FAT2: variants seen among roughly 807,000 people sequenced by gnomAD.
FAT2 encodes FAT atypical cadherin 2, also known as protocadherin Fat 2.
In FAT2, 150 loss-of-function variants were observed where a neutral mutation model predicts 295.3. That is an observed-to-expected ratio of 0.51 (90% confidence interval 0.44 to 0.58). The LOEUF is 0.58. Among genes scored for constraint, FAT2 ranks in the 20% least tolerant of loss-of-function variants. FAT2 has a pLI of 0.00. For synonymous variants in FAT2, 2,026 were observed against 2,150.3 expected (o/e 0.94, Z 1.60); for missense variants, 4,868 against 5,442.7 (o/e 0.89, Z 3.32).
At position 151,504,574 on chromosome 5, in the gene FAT2, A is replaced by G. The variant is rs1760702821; in HGVS notation, c.*991T>C. 1 of 152,718 alleles carries G rather than the reference A, an allele frequency of 6.5e-6. No individual in the cohort carries two copies. Among genetic ancestry groups the G allele is most frequent in the Non-Finnish European group, 1.5e-5 (1 of 68,058 alleles). 9.5% of individuals were successfully genotyped at this position (152,718 alleles called of 1,614,324 possible). A position where few individuals can be genotyped will look rare whatever the true frequency, so the allele number is the denominator to read the frequency against. ...GTGTCCAGCCTGGACACTGCGGTCC[A>G]GCTCCCTGCTTCCAACCGGCCCTAA... On this transcript the variant is annotated 3_prime_UTR_variant, in exon 24 of 24. Transcript: ENST00000261800.
chr5:151,528,099 C>T lies in FAT2; in HGVS notation c.10061G>A (p.Ser3354Asn). The change falls in exon 16 of 24, where the codon AGT (serine) becomes AAT (asparagine). Residue 3354 changes from serine (S) to asparagine (N), a missense_variant. Around this residue, in one of 5 missense-constraint regions of FAT2, gnomAD observed 1,046 missense variants for 1,210.1 expected, o/e 0.86. Coordinates refer to ENST00000261800, the MANE Select transcript of FAT2 (RefSeq NM_001447.3). ...TCCTATGAGGCTATAGGTAATGTCA[C>T]TATTTAGGGGTCCATCTTCATCAGT... ...SATDEDGPLN[S>N]DITYSLIGGN... is the part of the protein sequence containing the mutation. The T allele has an allele frequency of 6.2e-7, 1 of 1,614,150 alleles. No homozygotes were observed. The highest frequency in any genetic ancestry group is 8.5e-7 in the Non-Finnish European group (1 of 1,180,024).
At chr5:151,574,667 G>C (rs1482553604) in intron 1 of FAT2, among the ~76,000 whole-genome samples, 1 of 152,206 alleles carries the variant, frequency 6.6e-6, no homozygotes, top group African/African-American at 2.4e-5. Flanking sequence ...TCGCATTCAA[G>C]TCTCCCACTC....
intron 5 of FAT2, among the ~76,000 whole-genome samples, 195 bp from the exon 6 acceptor site, chr5:151,553,582 C>T (rs1420096260): frequency 6.6e-6 from 1 of 152,220 alleles, no homozygotes; most frequent in Non-Finnish European, 1.5e-5. Context: ...CGGTGGTGAA[C>T]AAAACGTATA....
At chr5:151,561,094 G>T (rs1757994115) in intron 3 of FAT2, among the ~76,000 whole-genome samples, 1 of 152,214 alleles carries the variant, frequency 6.6e-6, no homozygotes, top group Admixed American at 6.5e-5. Context: ...GTCGCAAAAA[G>T]GAGTAGGTGG....
intron 20 of FAT2, among the ~76,000 whole-genome samples, chr5:151,513,359 G>C (rs1752510089): frequency 6.6e-6 from 1 of 152,180 alleles, no homozygotes; most frequent in South Asian, 2.1e-4. Context: ...CTCAACAACA[G>C]TGGGCTGGAT....
chr5:151,547,919 C>T (rs561291095), intron 9 of FAT2, among the ~76,000 whole-genome samples: 15 of 152,120 alleles, frequency 9.9e-5, no homozygotes, highest in South Asian at 6.2e-4. Context: ...CTGTATTTTT[C>T]GTGTTTTCAA....
chr5:151,578,687 TCACA>T, intron 1 of FAT2, among the ~76,000 whole-genome samples: 1 of 152,224 alleles, frequency 6.6e-6, no homozygotes, highest in East Asian at 1.9e-4. Flanking sequence ...ACTGCATTAT[TCACA>T]ATAGCCAAGA....
chr5:151,565,188 A>G (rs4320248), intron 2 of FAT2, among the ~76,000 whole-genome samples: 73,488 of 151,910 alleles, frequency 0.48, 17,980 homozygotes, highest in Non-Finnish European at 0.53. Flanking sequence ...AAACAAATGA[A>G]CTGACAAATA....
intron 14 of FAT2, 79 bp from the exon 15 acceptor site, chr5:151,529,471 C>CT: frequency 8.1e-7 from 1 of 1,239,876 alleles, no homozygotes; most frequent in South Asian, 1.2e-5. Flanking sequence ...GAGCCCAGCC[C>CT]TAGGAGAGGC....
intron 11 of FAT2, among the ~76,000 whole-genome samples, chr5:151,540,019 C>T (rs1755941977): frequency 1.3e-5 from 2 of 152,198 alleles, no homozygotes; most frequent in Non-Finnish European, 2.9e-5. Context: ...GGTCAGGTCT[C>T]TGTTGGTGTA....
intron 6 of FAT2, among the ~76,000 whole-genome samples, chr5:151,552,536 T>G (rs1757313146): frequency 6.6e-6 from 1 of 152,188 alleles, no homozygotes; most frequent in South Asian, 2.1e-4. Flanking sequence ...TCAAAGGGCC[T>G]ATACATCCTC....
chr5:151,510,230 C>A (rs1761214959), intron 21 of FAT2, 56 bp from the exon 22 acceptor site: 5 of 1,584,666 alleles, frequency 3.2e-6, no homozygotes, highest in African/African-American at 1.3e-5. Context: ...TTAAAGGAGA[C>A]CTGGCATTGG....
At chr5:151,508,337 A>G (rs1469790047) in intron 22 of FAT2, among the ~76,000 whole-genome samples, 2 of 152,212 alleles carry the variant, frequency 1.3e-5, no homozygotes, top group Non-Finnish European at 1.5e-5. Context: ...CAGCTGTGAA[A>G]TGTCCTCCCA....
Position 151,507,630 on chromosome 5 carries a change from C to T in FAT2, c.12060-19G>A. On this transcript the variant is annotated intron_variant, in intron 22 of 23. Coordinates refer to ENST00000261800, the MANE Select transcript of FAT2 (RefSeq NM_001447.3). ...TTCACACCTGCGGAGACAGAGTAGT[C>T]AGGGGGCCAAGTCATGAAATTGCCC... The T allele has an allele frequency of 7.2e-7, 1 of 1,389,270 alleles. No homozygotes were observed. 86.1% of individuals were successfully genotyped at this position (1,389,270 alleles called of 1,614,324 possible).
Position 151,549,412 on chromosome 5 carries a change from G to A in FAT2, c.4672C>T (p.Leu1558Phe). The A allele has an allele frequency of 6.2e-7, 1 of 1,614,176 alleles. No individual in the cohort carries two copies. Among genetic ancestry groups the A allele is most frequent in the South Asian group, 1.1e-5 (1 of 91,084 alleles). Residue 1558 changes from leucine to phenylalanine, a missense_variant, in exon 9 of 24, where the codon CTC (leucine) becomes TTC (phenylalanine). By Grantham distance (22) the Leu-to-Phe change is conservative. Around this residue, in one of 5 missense-constraint regions of FAT2, gnomAD observed 3,297 missense variants for 3,669.4 expected, o/e 0.90. Transcript: ENST00000261800. ...GNLHPPRFTQLHYEASVPDTI... is the reference protein window; with the variant it reads ...GNLHPPRFTQFHYEASVPDTI... ...TCAGGAACACTTGCCTCATAATGGA[G>A]CTGAGTGAAGCGGGGTGGGTGGAGG...
At chr5:151,524,097 C>A (rs1423337176) in intron 18 of FAT2, among the ~76,000 whole-genome samples, 1 of 152,122 alleles carries the variant, frequency 6.6e-6, no homozygotes, top group African/African-American at 2.4e-5. Context: ...CACTGGTCTC[C>A]CTCACCCACT....
intron 17 of FAT2, 125 bp from the exon 18 acceptor site, chr5:151,526,090 G>A: frequency 2.2e-6 from 2 of 905,596 alleles, no homozygotes; most frequent in South Asian, 1.6e-5. Flanking sequence ...ATGGTGCCTG[G>A]ACATCAAGCT....
chr5:151,537,798 T>G lies in FAT2; in HGVS notation c.9188A>C (p.His3063Pro), dbSNP rs758685208. ...CTGCAGCTCAGGAAACCCACCTGTA[T>G]GAGGATCCAGCTTGAATTCATGCGC... is the stretch of plus-strand genomic sequence containing the variant. ...PGAHEFKLDPHTGELTTLTAL... is the reference protein window; with the variant it reads ...PGAHEFKLDPPTGELTTLTAL... The change falls in exon 12 of 24, where the codon CAT (histidine) becomes CCT (proline). Residue 3063 changes from histidine (H) to proline (P), a missense_variant. By Grantham distance (77) the His-to-Pro change is moderately conservative (BLOSUM62 -2). Around this residue, in one of 5 missense-constraint regions of FAT2, gnomAD observed 1,046 missense variants for 1,210.1 expected, o/e 0.86. Coordinates refer to ENST00000261800, the MANE Select transcript of FAT2 (RefSeq NM_001447.3). The G allele has an allele frequency of 1.9e-6, 3 of 1,610,072 alleles. No individual in the cohort carries two copies. Among genetic ancestry groups the G allele is most frequent in the East Asian group, 4.5e-5 (2 of 44,846 alleles).
At chr5:151,565,599 C>G in intron 2 of FAT2, 74 bp downstream of exon 2, 1 of 1,436,908 alleles carries the variant, frequency 7.0e-7, no homozygotes. Context: ...TCCTTCAGCC[C>G]GCAGGCTGAC....
Sources: allele counts gnomAD v4.1 joint callset (sites outside exome capture counted in the v4.1 genomes callset), GRCh38; gene constraint gnomAD v4.1.1; regional missense constraint gnomAD v4.1.1; transcripts MANE v1.5; gene names NCBI Gene and HGNC (gene_info 2026-07-23, HGNC 2026-07-21).